RBM47: variants seen among roughly 807,000 people sequenced by gnomAD.
RBM47 encodes the protein RNA binding motif protein 47.
RBM47 carries 21 observed loss-of-function variants against 47.1 expected under a neutral mutation model. The ratio of observed to expected loss-of-function variants is 0.45; its 90% CI spans 0.32 to 0.64. The LOEUF is 0.64. Among genes scored for constraint, RBM47 ranks in the 30% least tolerant of loss-of-function variants. RBM47 has a pLI of 0.05. For synonymous variants in RBM47, 375 were observed against 361.7 expected, an observed-to-expected ratio of 1.04 and a Z score of -0.42; for missense variants, 708 against 870.9, an observed-to-expected ratio of 0.81 and a Z score of 2.35.
At chr4:40,468,346 TA>T (rs899146040) in intron 2 of RBM47, among the ~76,000 whole-genome samples, 3 of 151,582 alleles carry the variant, frequency 2.0e-5, no homozygotes, top group South Asian at 2.1e-4. Flanking sequence ...TTCTCAACAT[TA>T]AAAAAAAATT....
intron 1 of RBM47, among the ~76,000 whole-genome samples, chr4:40,569,649 T>C (rs1731509525): frequency 6.6e-6 from 1 of 151,672 alleles, no homozygotes; most frequent in East Asian, 1.9e-4. Flanking sequence ...GACCTGGTGA[T>C]CCGCCCGCCT....
chr4:40,496,403 C>T (rs1246886799), intron 2 of RBM47, among the ~76,000 whole-genome samples: 1 of 151,822 alleles, frequency 6.6e-6, no homozygotes, highest in Non-Finnish European at 1.5e-5. Flanking sequence ...GGTCCTGGGC[C>T]GCAATAGTTT....
intron 1 of RBM47, among the ~76,000 whole-genome samples, chr4:40,568,434 A>ACC: frequency 1.4e-5 from 1 of 72,290 alleles, no homozygotes; most frequent in Non-Finnish European, 2.9e-5. Flanking sequence ...GTCTCAAAAA[A>ACC]AAAAAAAAAA....
chr4:40,466,899 T>C (rs1718137194), intron 2 of RBM47, among the ~76,000 whole-genome samples, 200 bp from the exon 3 acceptor site: 1 of 151,858 alleles, frequency 6.6e-6, no homozygotes, highest in African/African-American at 2.4e-5. Flanking sequence ...CAAGTGCAAC[T>C]GCTTATCTGA....
chr4:40,519,603 A>G (rs1725982592), intron 2 of RBM47, among the ~76,000 whole-genome samples: 1 of 149,588 alleles, frequency 6.7e-6, no homozygotes, highest in Non-Finnish European at 1.5e-5. Flanking sequence ...AGCATCCTTC[A>G]ATCCTTTACC....
rs1275212655 is a variant in RBM47 at position 40,605,151 on chromosome 4, T to A, written c.-240+24245A>T. Among the ~76,000 whole-genome samples the A allele has an allele frequency of 2.0e-5, 3 of 151,560 alleles. No individual in the cohort carries two copies. The East Asian group carries it at 5.8e-4, about 30-fold the overall frequency. ...AATTCTCCTGCCTCAGGCCCCCAAG[T>A]AGCTGGGATTACAGGCACCCGCCAC... On this transcript the variant is annotated intron_variant, in intron 1 of 6. Coordinates refer to ENST00000295971, the MANE Select transcript of RBM47 (RefSeq NM_001098634.2).
intron 2 of RBM47, among the ~76,000 whole-genome samples, chr4:40,489,097 C>T (rs1166563248): frequency 6.6e-6 from 1 of 152,172 alleles, no homozygotes; most frequent in East Asian, 1.9e-4. Context: ...TGTATGCCCC[C>T]CTCATGTATT....
intron 1 of RBM47, among the ~76,000 whole-genome samples, chr4:40,598,734 A>T (rs1273077238): frequency 6.6e-6 from 1 of 152,162 alleles, no homozygotes; most frequent in Non-Finnish European, 1.5e-5. Flanking sequence ...ATTTTTAAAA[A>T]ATCCTTTGAT....
chr4:40,610,610 C>CAAAAAAA (rs34149753), intron 1 of RBM47, among the ~76,000 whole-genome samples: 1 of 52,810 alleles, frequency 1.9e-5, no homozygotes, highest in Admixed American at 2.3e-4. Flanking sequence ...GACTCCATCT[C>CAAAAAAA]AAAAAAAAAA....
At chr4:40,558,929 G>C (rs1395157952) in intron 1 of RBM47, among the ~76,000 whole-genome samples, 4 of 152,164 alleles carry the variant, frequency 2.6e-5, no homozygotes, top group Non-Finnish European at 5.9e-5. Context: ...AGGAGGCGGA[G>C]GTAGAAGTGA....
intron 1 of RBM47, among the ~76,000 whole-genome samples, chr4:40,585,438 G>T (rs553044152): frequency 6.6e-6 from 1 of 152,088 alleles, no homozygotes; most frequent in Non-Finnish European, 1.5e-5. Context: ...CAACAAAATC[G>T]CCCCATAAAT....
At chr4:40,505,994 GT>G (rs1336745202) in intron 2 of RBM47, among the ~76,000 whole-genome samples, 34 of 152,278 alleles carry the variant, frequency 2.2e-4, no homozygotes, top group Middle Eastern at 3.4e-3. Context: ...TTCCTTGGGG[GT>G]TGGGTGGGCA....
At chr4:40,564,716 A>G (rs1730938355) in intron 1 of RBM47, among the ~76,000 whole-genome samples, 1 of 152,244 alleles carries the variant, frequency 6.6e-6, no homozygotes, top group South Asian at 2.1e-4. Context: ...GCTTTAAGAA[A>G]AGTTTATTTA....
At chr4:40,437,171 T>A (rs5857728) in intron 4 of RBM47, among the ~76,000 whole-genome samples, 50 of 92,258 alleles carry the variant, frequency 5.4e-4, no homozygotes, top group South Asian at 1.2e-3. Context: ...TATATATATA[T>A]AATACATATA....
At chr4:40,622,406 G>A (rs1323660423) in intron 1 of RBM47, among the ~76,000 whole-genome samples, 9 of 152,182 alleles carry the variant, frequency 5.9e-5, no homozygotes, top group Non-Finnish European at 1.5e-5. Flanking sequence ...GAATGTGCTG[G>A]GCACACCCCA....
In RBM47 at chr4:40,434,560, C is replaced by T. The variant is rs145976981; in HGVS notation, c.1331-1698G>A. Among the ~76,000 whole-genome samples the T allele has an allele frequency of 8.5e-5, 13 of 152,174 alleles. No individual in the cohort carries two copies. The East Asian group carries it at 2.3e-3, about 27-fold the overall frequency. On this transcript the variant is annotated intron_variant, in intron 5 of 6. Transcript: ENST00000295971. ...TTCCCTTCTCAACAAGTAGAAGCGA[C>T]GACTCCCATATCCAGGCTCTATTTT...
At chr4:40,538,226 T>G (rs937681365) in intron 2 of RBM47, among the ~76,000 whole-genome samples, 1 of 151,962 alleles carries the variant, frequency 6.6e-6, no homozygotes, top group African/African-American at 2.4e-5. Flanking sequence ...ATATACTCCC[T>G]GGCAAATCTG....
At chr4:40,457,661 C>G (rs185834099) in intron 3 of RBM47, among the ~76,000 whole-genome samples, 4 of 152,256 alleles carry the variant, frequency 2.6e-5, no homozygotes, top group Non-Finnish European at 2.9e-5. Flanking sequence ...TCTTGAACTC[C>G]TAACGTCAAG....
At chr4:40,563,140 G>A (rs1285813696) in intron 1 of RBM47, among the ~76,000 whole-genome samples, 1 of 152,168 alleles carries the variant, frequency 6.6e-6, no homozygotes, top group African/African-American at 2.4e-5. Flanking sequence ...GCAGTGAGCC[G>A]AGATGGCGCC....
Sources: gnomAD v4.1 joint callset for allele counts (sites outside exome capture counted in the v4.1 genomes callset) on GRCh38, gnomAD v4.1.1 for gene constraint, MANE v1.5 for transcripts, NCBI Gene and HGNC (gene_info 2026-07-23, HGNC 2026-07-21) for gene names.